The following STXBP5L variants were observed in gnomAD, a reference collection of about 807,000 sequenced individuals.
The protein encoded by STXBP5L is syntaxin-binding protein 5-like.
In STXBP5L, 65 loss-of-function variants were observed where a neutral mutation model predicts 144.5. The observed-to-expected ratio is 0.45, with a 90% CI of 0.37 to 0.55. The LOEUF is 0.55. Among genes scored for constraint, STXBP5L ranks in the 20% least tolerant of loss-of-function variants. STXBP5L has a pLI of 0.00. For synonymous variants in STXBP5L, 505 were observed against 469.6 expected (o/e 1.08, Z -0.97); for missense variants, 1,298 against 1,405.5 (o/e 0.92, Z 1.22).
chr3:121,316,279 A>G (rs2043786163), intron 19 of STXBP5L, among the ~76,000 whole-genome samples: 2 of 152,230 alleles, frequency 1.3e-5, no homozygotes, highest in Admixed American at 1.3e-4. Context: ...TTCAGTTCCT[A>G]CCTTCATCAG....
At chr3:121,009,587 C>A (rs1203328022) in intron 3 of STXBP5L, among the ~76,000 whole-genome samples, 1 of 151,964 alleles carries the variant, frequency 6.6e-6, no homozygotes, top group African/African-American at 2.4e-5. Flanking sequence ...ATTCTTATTT[C>A]TCCTCTTTGT....
At chr3:121,312,368 C>CTT (rs71619793) in intron 19 of STXBP5L, among the ~76,000 whole-genome samples, 669 of 60,096 alleles carry the variant, frequency 0.011, 10 homozygotes, top group African/African-American at 0.026. Context: ...TAAAGAGCTT[C>CTT]TTTTTTTTTT....
intron 20 of STXBP5L, among the ~76,000 whole-genome samples, chr3:121,337,680 T>C (rs2044558147): frequency 1.3e-5 from 2 of 152,068 alleles, no homozygotes; most frequent in Admixed American, 1.3e-4. Flanking sequence ...GAAAATGTTG[T>C]ACTTAAACTG....
chr3:120,998,356 C>T (rs1943516365), intron 3 of STXBP5L, among the ~76,000 whole-genome samples: 1 of 151,948 alleles, frequency 6.6e-6, no homozygotes, highest in South Asian at 2.1e-4. Flanking sequence ...CCCAAAGGTC[C>T]TTGATCTGAT....
intron 5 of STXBP5L, among the ~76,000 whole-genome samples, chr3:121,047,402 T>C (rs1947592525): frequency 6.6e-6 from 1 of 152,120 alleles, no homozygotes; most frequent in Non-Finnish European, 1.5e-5. Flanking sequence ...ATCCTGAAAA[T>C]CTTTGTTAAT....
intron 5 of STXBP5L, among the ~76,000 whole-genome samples, chr3:121,100,856 C>T (rs1033799080): frequency 6.8e-6 from 1 of 146,436 alleles, no homozygotes; most frequent in Admixed American, 6.8e-5. Context: ...GCTAGATTAA[C>T]AAAGAAAAAA....
intron 23 of STXBP5L, among the ~76,000 whole-genome samples, chr3:121,411,380 G>C (rs1213905963): frequency 6.6e-6 from 1 of 151,918 alleles, no homozygotes; most frequent in Non-Finnish European, 1.5e-5. Flanking sequence ...TATGATCTAG[G>C]ACAATGTAAA....
chr3:121,193,108 T>G lies in STXBP5L; in HGVS notation c.878-12815T>G, dbSNP rs1409219175. The stretch of plus-strand genomic sequence containing the variant: ...GGCTAATATCCAGAATCTACAAAGA[T>G]CTTAAACAAATTTACAAGAAAAAAA... On this transcript the variant is annotated intron_variant, in intron 9 of 26. Transcript: ENST00000471454. Among the ~76,000 whole-genome samples the G allele has an allele frequency of 3.5e-5, 5 of 141,356 alleles. 1 individual carries two copies. Among genetic ancestry groups the G allele is most frequent in the African/African-American group, 1.3e-4 (5 of 38,324 alleles). The allele number at this position is 141,356 out of a possible 152,430, so 92.7% of individuals were successfully genotyped here. A position where few individuals can be genotyped will look rare whatever the true frequency, so the allele number is the denominator to read the frequency against.
chr3:121,166,891 C>T (rs2046520592), intron 9 of STXBP5L, among the ~76,000 whole-genome samples: 1 of 151,792 alleles, frequency 6.6e-6, no homozygotes, highest in African/African-American at 2.4e-5. Context: ...TATGATAAGG[C>T]AATTGTGGAA....
intron 3 of STXBP5L, among the ~76,000 whole-genome samples, chr3:120,993,793 G>T (rs1943120512): frequency 6.6e-6 from 1 of 151,732 alleles, no homozygotes; most frequent in South Asian, 2.1e-4. Context: ...GCTCTTTTTG[G>T]TTCCATATAA....
At chr3:120,975,295 C>T (rs1440529779) in intron 3 of STXBP5L, among the ~76,000 whole-genome samples, 3 of 152,128 alleles carry the variant, frequency 2.0e-5, no homozygotes, top group Non-Finnish European at 4.4e-5. Context: ...GTTTTATTCT[C>T]TTTGTAGCAA....
intron 19 of STXBP5L, among the ~76,000 whole-genome samples, chr3:121,300,913 G>A (rs928645192): frequency 6.6e-6 from 1 of 152,022 alleles, no homozygotes; most frequent in Admixed American, 6.6e-5. Context: ...AAAGATGCAC[G>A]TTAATTATAA....
intron 11 of STXBP5L, among the ~76,000 whole-genome samples, chr3:121,230,530 C>A (rs973312077): frequency 6.6e-6 from 1 of 151,376 alleles, no homozygotes; most frequent in African/African-American, 2.4e-5. Context: ...AGGACACAGG[C>A]ATTCCCATCA....
At chr3:120,947,274 G>A (rs557382225) in intron 2 of STXBP5L, among the ~76,000 whole-genome samples, 1 of 151,770 alleles carries the variant, frequency 6.6e-6, no homozygotes, top group Non-Finnish European at 1.5e-5. Flanking sequence ...TAACATAGTT[G>A]TCTTCAAACT....
At chr3:120,991,743 T>G (rs1057160744) in intron 3 of STXBP5L, among the ~76,000 whole-genome samples, 1 of 150,148 alleles carries the variant, frequency 6.7e-6, no homozygotes, top group African/African-American at 2.5e-5. Flanking sequence ...TTCTCACTCA[T>G]AGGTGGGAAT....
intron 3 of STXBP5L, among the ~76,000 whole-genome samples, chr3:121,025,720 G>C (rs1196445454): frequency 6.6e-6 from 1 of 151,466 alleles, no homozygotes; most frequent in African/African-American, 2.4e-5. Context: ...TGGTACATGG[G>C]ATTATATTAG....
intron 5 of STXBP5L, among the ~76,000 whole-genome samples, chr3:121,098,270 C>T (rs149179993): frequency 1.2e-3 from 181 of 152,260 alleles, no homozygotes; most frequent in African/African-American, 4.2e-3. Flanking sequence ...TCAGCATCTG[C>T]TTCTGGTGAG....
intron 20 of STXBP5L, among the ~76,000 whole-genome samples, chr3:121,366,826 A>C (rs577288854): frequency 6.6e-6 from 1 of 151,040 alleles, no homozygotes; most frequent in East Asian, 1.9e-4. Flanking sequence ...CCATTTTTTT[A>C]TTACTGTTTG....
intron 23 of STXBP5L, among the ~76,000 whole-genome samples, chr3:121,410,520 A>T (rs2047091796): frequency 6.6e-6 from 1 of 151,910 alleles, no homozygotes; most frequent in Non-Finnish European, 1.5e-5. Flanking sequence ...TCCCATACTG[A>T]GTATATTCCC....
Sources: allele counts gnomAD v4.1 joint callset (sites outside exome capture counted in the v4.1 genomes callset), GRCh38; gene constraint gnomAD v4.1.1; transcripts MANE v1.5; gene names NCBI Gene and HGNC (gene_info 2026-07-23, HGNC 2026-07-21).